The following SAP30BP variants were observed in gnomAD, a reference collection of about 807,000 sequenced individuals.
SAP30BP encodes the protein SAP30 binding protein.
In SAP30BP, 31 loss-of-function variants were observed where a neutral mutation model predicts 46.3. The ratio of observed to expected loss-of-function variants is 0.67; its 90% CI spans 0.50 to 0.90. The LOEUF (loss-of-function observed/expected upper bound fraction) is 0.90, where lower values mean the gene tolerates loss of function less well. Ranked by LOEUF, SAP30BP falls within the 40% of genes least tolerant of loss-of-function variation. The pLI, the probability that SAP30BP is intolerant of heterozygous loss-of-function variation, is 0.00. For synonymous variants in SAP30BP, 169 were observed against 144.2 expected, an observed-to-expected ratio of 1.17 and a Z score of -1.23; for missense variants, 312 against 391.0, an observed-to-expected ratio of 0.80 and a Z score of 1.70.
intron 4 of SAP30BP, among the ~76,000 whole-genome samples, chr17:75,695,100 C>T (rs1423599922): frequency 6.6e-6 from 1 of 152,244 alleles, no homozygotes; most frequent in Non-Finnish European, 1.5e-5. Flanking sequence ...GTGATCTACA[C>T]TCTCCTCACT....
intron 3 of SAP30BP, among the ~76,000 whole-genome samples, chr17:75,691,041 C>T (rs1467515251): frequency 6.6e-6 from 1 of 152,100 alleles, no homozygotes; most frequent in Non-Finnish European, 1.5e-5. Flanking sequence ...GTCCATTGGT[C>T]AGTACTTTGT....
chr17:75,677,174 C>T (rs933918643), intron 3 of SAP30BP, among the ~76,000 whole-genome samples: 4 of 143,204 alleles, frequency 2.8e-5, no homozygotes, highest in Admixed American at 7.4e-5. Context: ...GGCACAATCT[C>T]GGCTCACTGC....
chr17:75,688,887 C>G (rs545279274), intron 3 of SAP30BP, among the ~76,000 whole-genome samples: 2 of 152,156 alleles, frequency 1.3e-5, no homozygotes, highest in African/African-American at 4.8e-5. Context: ...AAGTCTCAGT[C>G]ACAGTTGGTT....
chr17:75,680,401 C>T lies in SAP30BP; in HGVS notation c.264+8538C>T, dbSNP rs1054831558. On this transcript the variant is annotated intron_variant, in intron 3 of 10. Coordinates refer to ENST00000584667, the MANE Select transcript of SAP30BP (RefSeq NM_013260.8). ...GTGGAGCTCACAAACAATTTAGAGC[C>T]GGTCTGGTGGACTTGTGGTCCGAAG... is the stretch of plus-strand genomic sequence containing the variant. 3.3e-5 allele frequency among the ~76,000 whole-genome samples: 5 copies of T among 152,116 alleles called. No homozygotes were observed. In the East Asian group the frequency reaches 5.8e-4, roughly 18 times the overall value.
chr17:75,671,701 G>C, intron 2 of SAP30BP, 115 bp from the exon 3 acceptor site: 2 of 767,650 alleles, frequency 2.6e-6, no homozygotes. Context: ...AGGGATTCTT[G>C]GTGGGATGAC....
chr17:75,681,800 A>G, intron 3 of SAP30BP, among the ~76,000 whole-genome samples: 1 of 152,160 alleles, frequency 6.6e-6, no homozygotes, highest in East Asian at 1.9e-4. Context: ...ATCTGAAAGG[A>G]AGATGCTGTG....
intron 3 of SAP30BP, 109 bp downstream of exon 3, chr17:75,671,972 C>A: frequency 2.3e-6 from 2 of 885,228 alleles, no homozygotes; most frequent in Non-Finnish European, 1.9e-6. Context: ...AACTGTGCAA[C>A]TGTGTGGACA....
intron 3 of SAP30BP, among the ~76,000 whole-genome samples, chr17:75,676,944 G>C (rs2059999780): frequency 6.6e-6 from 1 of 152,076 alleles, no homozygotes; most frequent in Admixed American, 6.6e-5. Flanking sequence ...GGATAAGGGG[G>C]CATTGCTATG....
intron 3 of SAP30BP, among the ~76,000 whole-genome samples, chr17:75,679,033 G>A (rs1281693298): frequency 5.0e-5 from 7 of 139,958 alleles, no homozygotes; most frequent in South Asian, 4.5e-4. Context: ...TCGTTCTGTC[G>A]CCCAGGCTGG....
At chr17:75,668,204 T>C (rs2059835080) in intron 1 of SAP30BP, 1 of 276,654 alleles carries the variant, frequency 3.6e-6, no homozygotes, top group Non-Finnish European at 6.7e-6. Flanking sequence ...TTTTGTGTGG[T>C]CTCTTCCAGT....
chr17:75,669,275 G>A (rs2059873015), intron 2 of SAP30BP, among the ~76,000 whole-genome samples: 1 of 151,690 alleles, frequency 6.6e-6, no homozygotes, highest in Non-Finnish European at 1.5e-5. Context: ...TCGGAATCTT[G>A]CTCTGTCGCC....
At chr17:75,702,944 T>G (rs1287868108) in intron 6 of SAP30BP, 6 of 314,572 alleles carry the variant, frequency 1.9e-5, no homozygotes, top group Non-Finnish European at 3.5e-5. Context: ...TTTTTGCATA[T>G]AGGTGAGAGG....
rs2060503088 is a variant in SAP30BP at position 75,706,740 on chromosome 17, A to G, written c.*219A>G. On this transcript the variant is annotated 3_prime_UTR_variant, in exon 11 of 11. Coordinates refer to ENST00000584667, the MANE Select transcript of SAP30BP (RefSeq NM_013260.8). The surrounding 1 kb of genome is among the most constrained non-coding windows in gnomAD (Gnocchi z 4.6). ...CACCACCTGGGGTCTGCCGCCTATT[A>G]AAAGTGCCGTATTCTTACCTCTTGG... 2 of 574,044 alleles carry G rather than the reference A, an allele frequency of 3.5e-6. No homozygotes were observed. Among genetic ancestry groups the G allele is most frequent in the Non-Finnish European group, 6.2e-6 (2 of 322,478 alleles). The allele number at this position is 574,044 out of a possible 1,614,324, so 35.6% of individuals were successfully genotyped here.
intron 4 of SAP30BP, among the ~76,000 whole-genome samples, chr17:75,695,812 C>T (rs2060308771): frequency 6.6e-6 from 1 of 152,116 alleles, no homozygotes; most frequent in Admixed American, 6.5e-5. Context: ...GCACTGCAGC[C>T]CCTTGACAGA....
intron 3 of SAP30BP, 171 bp downstream of exon 3, chr17:75,672,034 G>A (rs1398858074): frequency 8.0e-6 from 5 of 624,670 alleles, no homozygotes; most frequent in Non-Finnish European, 1.5e-5. Context: ...GACAACTCAG[G>A]AATGAACAAA....
rs375798890 is a variant in SAP30BP, at chr17:75,699,695, T to C, written c.308-88T>C. 2.6e-4 allele frequency: 223 copies of C among 871,802 alleles called. No homozygotes were observed. The East Asian group carries it at 3.9e-3, about 15-fold the overall frequency. 54.0% of individuals were successfully genotyped at this position (871,802 alleles called of 1,614,324 possible). A position where few individuals can be genotyped will look rare whatever the true frequency, so the allele number is the denominator to read the frequency against. On this transcript the variant is annotated intron_variant, in intron 4 of 10. Transcript: ENST00000584667. The stretch of plus-strand genomic sequence containing the variant: ...TTTCATAGTGTTTATCCCTACCTGA[T>C]AACATTTTATGTGCTTATGTTTTTT...
chr17:75,706,216 C>T lies in SAP30BP; in HGVS notation c.745+124C>T. 7.1e-6 allele frequency: 11 copies of T among 1,553,590 alleles called. No individual in the cohort carries two copies. Among genetic ancestry groups the T allele is most frequent in the Non-Finnish European group, 9.6e-6 (11 of 1,150,552 alleles). On this transcript the variant is annotated intron_variant, in intron 10 of 10. Transcript: ENST00000584667. The surrounding 1 kb of genome is among the most constrained non-coding windows in gnomAD (Gnocchi z 4.6). ...TCAGCCTTGCTACTTTGAGAAGCAC[C>T]TTTGGAGTCTGGGGTGGGCCACTTC...
intron 4 of SAP30BP, among the ~76,000 whole-genome samples, chr17:75,696,086 C>A (rs183740537): frequency 1.3e-5 from 2 of 152,318 alleles, no homozygotes; most frequent in African/African-American, 4.8e-5. Flanking sequence ...CGCACCAGGG[C>A]AAGTCACGCT....
At chr17:75,685,479 C>T (rs1422253270) in intron 3 of SAP30BP, among the ~76,000 whole-genome samples, 1 of 152,162 alleles carries the variant, frequency 6.6e-6, no homozygotes, top group Non-Finnish European at 1.5e-5. Context: ...CCCTTCCTAC[C>T]GGTGTCGATG....
Sources: allele counts gnomAD v4.1 joint callset (sites outside exome capture counted in the v4.1 genomes callset), GRCh38; gene constraint gnomAD v4.1.1; non-coding constraint Gnocchi (gnomAD v3.1); transcripts MANE v1.5; gene names NCBI Gene and HGNC (gene_info 2026-07-23, HGNC 2026-07-21).